The following CACNB4 variants were observed in gnomAD, a reference collection of about 807,000 sequenced individuals.
CACNB4 encodes calcium voltage-gated channel auxiliary subunit beta 4, also known as voltage-dependent L-type calcium channel subunit beta-4.
CACNB4 carries 32 observed loss-of-function variants against 71.2 expected under a neutral mutation model. The observed-to-expected ratio is 0.45, with a 90% CI of 0.34 to 0.60. The LOEUF is 0.60. CACNB4 is among the 20% of genes least tolerant of loss of function. CACNB4 has a pLI of 0.01. For synonymous variants in CACNB4, 231 were observed against 236.9 expected (o/e 0.97, Z 0.23); for missense variants, 464 against 647.9 (o/e 0.72, Z 3.08).
intron 2 of CACNB4, among the ~76,000 whole-genome samples, chr2:152,038,062 C>A (rs2105228589): frequency 6.6e-6 from 1 of 152,298 alleles, no homozygotes; most frequent in African/African-American, 2.4e-5. Context: ...CAGAGGGCCC[C>A]CAAAGAAATG....
At chr2:151,961,900 T>A (rs199922814) in intron 2 of CACNB4, among the ~76,000 whole-genome samples, 3 of 151,840 alleles carry the variant, frequency 2.0e-5, no homozygotes, top group Non-Finnish European at 4.4e-5. Context: ...TCAAAAAAAA[T>A]AAAAAAAAGA....
chr2:152,059,183 C>T (rs181542500), intron 2 of CACNB4, among the ~76,000 whole-genome samples: 62 of 152,312 alleles, frequency 4.1e-4, no homozygotes, highest in Middle Eastern at 3.4e-3. Flanking sequence ...GGTTGGAGTC[C>T]CCACACAGAG....
At chr2:151,848,274 A>G (rs1454232041) in intron 12 of CACNB4, among the ~76,000 whole-genome samples, 6 of 152,232 alleles carry the variant, frequency 3.9e-5, no homozygotes, top group African/African-American at 1.2e-4. Flanking sequence ...CTTTGGGCTG[A>G]GAGAAATTGG....
At chr2:151,983,675 T>TCTCACACACA (rs35313966) in intron 2 of CACNB4, among the ~76,000 whole-genome samples, 51,661 of 141,246 alleles carry the variant, frequency 0.37, 11,494 homozygotes, top group Non-Finnish European at 0.51. Flanking sequence ...TAAACTTTGG[T>TCTCACACACA]CACACACACA....
intron 2 of CACNB4, among the ~76,000 whole-genome samples, chr2:151,996,478 T>TAA (rs58787133): frequency 4.4e-5 from 6 of 136,344 alleles, no homozygotes; most frequent in African/African-American, 1.4e-4. Flanking sequence ...CCCTGTCTCT[T>TAA]AAAAAAAAAA....
At chr2:151,903,202 C>T (rs1378441936) in intron 2 of CACNB4, among the ~76,000 whole-genome samples, 1 of 152,002 alleles carries the variant, frequency 6.6e-6, no homozygotes, top group Non-Finnish European at 1.5e-5. Context: ...TAAGCTAGAA[C>T]AAAAATAAGA....
At chr2:152,048,348 C>T (rs1021796914) in intron 2 of CACNB4, among the ~76,000 whole-genome samples, 1 of 152,184 alleles carries the variant, frequency 6.6e-6, no homozygotes, top group African/African-American at 2.4e-5. Flanking sequence ...TATCTGAATG[C>T]TCTTCACCCA....
At chr2:151,985,711 T>C (rs1018273592) in intron 2 of CACNB4, among the ~76,000 whole-genome samples, 4 of 150,734 alleles carry the variant, frequency 2.7e-5, no homozygotes, top group Non-Finnish European at 4.4e-5. Flanking sequence ...AGAATGTGAG[T>C]ATATATAATG....
At chr2:151,921,563 G>A (rs1256068540) in intron 2 of CACNB4, among the ~76,000 whole-genome samples, 1 of 152,184 alleles carries the variant, frequency 6.6e-6, no homozygotes, top group East Asian at 1.9e-4. Flanking sequence ...CCTTCTGGAG[G>A]CTCTAAGGGA....
chr2:152,009,163 C>T (rs2151792694), intron 2 of CACNB4, among the ~76,000 whole-genome samples: 1 of 149,738 alleles, frequency 6.7e-6, no homozygotes, highest in East Asian at 2.0e-4. Context: ...TGCACTCTAG[C>T]CTGGGAAACA....
intron 2 of CACNB4, among the ~76,000 whole-genome samples, chr2:152,084,242 AG>A (rs1221019013): frequency 2.6e-5 from 4 of 152,208 alleles, no homozygotes; most frequent in Non-Finnish European, 5.9e-5. Context: ...ACTGGGCACA[AG>A]AAGAGTCACT....
At chr2:151,916,160 G>A (rs530852897) in intron 2 of CACNB4, among the ~76,000 whole-genome samples, 3 of 152,258 alleles carry the variant, frequency 2.0e-5, no homozygotes, top group Admixed American at 1.3e-4. Context: ...TTCCATGGGA[G>A]CCTCCAAAAG....
chr2:151,868,347 T>G (rs981745124), intron 9 of CACNB4: 2 of 152,224 alleles, frequency 1.3e-5, no homozygotes, highest in African/African-American at 4.8e-5. Context: ...TACTTTTTGA[T>G]GCACCCCATT....
rs150019608 is a variant in CACNB4, at chr2:151,841,296, G to C, written c.1302+607C>G. 1.1e-4 allele frequency among the ~76,000 whole-genome samples: 17 copies of C among 152,336 alleles called. No individual in the cohort carries two copies. In the East Asian group the frequency reaches 3.1e-3, roughly 28 times the overall value. ...GCATTAAGAAGTAATGGAGGGGCCA[G>C]GAGTGGTGGCTCATGATGGTAATTT... On this transcript the variant is annotated intron_variant, in intron 13 of 13. Coordinates refer to ENST00000539935, the MANE Select transcript of CACNB4 (RefSeq NM_000726.5).
chr2:151,977,193 T>G (rs1327269894), intron 2 of CACNB4, among the ~76,000 whole-genome samples: 1 of 152,196 alleles, frequency 6.6e-6, no homozygotes, highest in Non-Finnish European at 1.5e-5. Context: ...ATTCTGAGAA[T>G]GCCCTGTTAA....
intron 2 of CACNB4, among the ~76,000 whole-genome samples, chr2:151,911,488 C>T (rs186141796): frequency 1.3e-3 from 191 of 151,720 alleles, no homozygotes; most frequent in African/African-American, 4.3e-3. Flanking sequence ...CAATGACTTG[C>T]GTATGTTGAA....
At chr2:151,934,114 G>A (rs1310426582) in intron 2 of CACNB4, among the ~76,000 whole-genome samples, 1 of 146,578 alleles carries the variant, frequency 6.8e-6, no homozygotes, top group Non-Finnish European at 1.5e-5. Context: ...TGCTTTCTAG[G>A]TTGAATAATA....
intron 2 of CACNB4, among the ~76,000 whole-genome samples, chr2:152,009,141 T>C (rs1382237282): frequency 6.7e-6 from 1 of 149,978 alleles, no homozygotes; most frequent in Non-Finnish European, 1.5e-5. Flanking sequence ...CAGTTAGCTG[T>C]GTTTGTGCCC....
intron 2 of CACNB4, among the ~76,000 whole-genome samples, chr2:151,923,727 G>T (rs1016318242): frequency 6.6e-6 from 1 of 152,172 alleles, no homozygotes; most frequent in East Asian, 1.9e-4. Flanking sequence ...AGGAAACTTG[G>T]ATTCTATTCC....
Sources: allele counts gnomAD v4.1 joint callset (sites outside exome capture counted in the v4.1 genomes callset), GRCh38; gene constraint gnomAD v4.1.1; transcripts MANE v1.5; gene names NCBI Gene and HGNC (gene_info 2026-07-23, HGNC 2026-07-21).